Variants in PLA2G4F observed in about 807,000 individuals in gnomAD.
The protein encoded by PLA2G4F is phospholipase A2 group IVF.
In PLA2G4F, 105 loss-of-function variants were observed where a neutral mutation model predicts 103.1. The ratio of observed to expected loss-of-function variants is 1.02; its 90% CI spans 0.87 to 1.20. The LOEUF (loss-of-function observed/expected upper bound fraction) is 1.20, where lower values mean the gene tolerates loss of function less well. Among genes scored for constraint, PLA2G4F ranks in the 50% most tolerant of loss-of-function variants. The probability of loss-of-function intolerance (pLI) is 0.00; values close to 1 mark genes in which losing one functional copy is unlikely to be tolerated. For synonymous variants in PLA2G4F, 468 were observed against 441.1 expected (o/e 1.06, Z -0.76); for missense variants, 1,155 against 1,075.9 (o/e 1.07, Z -1.03).
intron 7 of PLA2G4F, among the ~76,000 whole-genome samples, chr15:42,152,420 G>A (rs976992519): frequency 6.6e-6 from 1 of 152,246 alleles, no homozygotes; most frequent in South Asian, 2.1e-4. Context: ...ACTGCCAGTT[G>A]TGTGAGCCAA....
At chr15:42,148,867 G>A (rs1051396034) in intron 11 of PLA2G4F, 48 of 985,370 alleles carry the variant, frequency 4.9e-5, no homozygotes, top group Middle Eastern at 5.2e-4. Context: ...CACAGAAGGC[G>A]CTGTCGCTTC....
At position 42,153,262 on chromosome 15, in the gene PLA2G4F, C is replaced by G. The variant is rs370070222; in HGVS notation, c.534+38G>C. The G allele has an allele frequency of 3.1e-6, 5 of 1,599,352 alleles. No individual in the cohort carries two copies. The African/African-American group carries it at 4.0e-5, about 13-fold the overall frequency. ...CTGTCACGGGTTCCTCACTGCCCCC[C>G]AGCCCAGAACAGCGCCAAGCTTGCC... On this transcript the variant is annotated intron_variant, in intron 6 of 19. Transcript: ENST00000397272.
At chr15:42,152,623 T>G in intron 7 of PLA2G4F, 65 bp downstream of exon 7, 1 of 1,509,862 alleles carries the variant, frequency 6.6e-7, no homozygotes, top group Non-Finnish European at 9.0e-7. Context: ...ACCCACCTCC[T>G]TGACATCAGT....
chr15:42,148,808 T>A, intron 11 of PLA2G4F: 1 of 985,432 alleles, frequency 1.0e-6, no homozygotes, highest in Non-Finnish European at 1.2e-6. Context: ...TTCTTTTCCC[T>A]GTTCTCTTTT....
rs16972772 is a variant in PLA2G4F, at chr15:42,151,786, G to C, written c.601+902C>G. 9.0e-3 allele frequency: 4,966 copies of C among 554,482 alleles called. 245 individuals carry two copies. The African/African-American group carries it at 0.097, about 11-fold the overall frequency. The allele number at this position is 554,482 out of a possible 1,614,324, so 34.3% of individuals were successfully genotyped here. On this transcript the variant is annotated intron_variant, in intron 7 of 19. Coordinates refer to ENST00000397272, the MANE Select transcript of PLA2G4F (RefSeq NM_213600.4). ...TGGTTGAGAGAAGCGGAGTGTCACC[G>C]ACCTGGGTTTGACCCTGGCTCTACT...
intron 18 of PLA2G4F, among the ~76,000 whole-genome samples, chr15:42,143,472 C>CA (rs1414204290): frequency 6.6e-6 from 1 of 152,154 alleles, no homozygotes; most frequent in Non-Finnish European, 1.5e-5. Context: ...AAGAGGAGAC[C>CA]AAAGGAAGGG....
Position 42,144,503 on chromosome 15 carries a change from C to A in PLA2G4F, c.1922G>T (p.Gly641Val). Residue 641 changes from glycine (G) to valine (V), a missense_variant, in exon 17 of 20, where the codon GGT (glycine) becomes GTT (valine). Around this residue, in one of 3 missense-constraint regions of PLA2G4F, gnomAD observed 782 missense variants for 692.9 expected, o/e 1.13. Transcript: ENST00000397272. ...TSAQSFNFTR[G>V]LCLHKDYVAG... ...CACATAGTCCTTGTGCAAGCAGAGA[C>A]CCCGGGTGAAGTTAAAGCTCTGGGC... 1 of 1,612,414 alleles carries A rather than the reference C, an allele frequency of 6.2e-7. No homozygotes were observed. Among genetic ancestry groups the A allele is most frequent in the Non-Finnish European group, 8.5e-7 (1 of 1,180,024 alleles).
chr15:42,141,966 C>T lies in PLA2G4F; in HGVS notation c.*18G>A. ...AGTGTGTCTCCTCTCTGTCACAGTC[C>T]TCCGCTTCCTGCCTTGGTCAGGCCC... On this transcript the variant is annotated 3_prime_UTR_variant, in exon 20 of 20. Transcript: ENST00000397272. 2 of 1,605,532 alleles carry T rather than the reference C, an allele frequency of 1.2e-6. No individual in the cohort carries two copies. Among genetic ancestry groups the T allele is most frequent in the East Asian group, 2.2e-5 (1 of 44,844 alleles).
In PLA2G4F at chr15:42,150,669, A is replaced by T; in HGVS notation, c.710T>A (p.Val237Glu). The change falls in exon 8 of 20, where the codon GTG (valine) becomes GAG (glutamate). Residue 237 changes from valine (V) to glutamate (E), a missense_variant. Physicochemically the swap from Val to Glu is moderately radical, Grantham distance 121. This residue lies in a region of PLA2G4F where 370 missense variants were observed against 364.9 expected (regional missense o/e 1.01). Coordinates refer to ENST00000397272, the MANE Select transcript of PLA2G4F (RefSeq NM_213600.4). ...PGLPPTFTFH[V>E]NPVLSSRLHV... ...TAGCCTGGAGCTCAGCACTGGGTTCACGTGGAAGGTAAAGGTGGGTGGGAG... is the reference window on the plus strand; with the variant it reads ...TAGCCTGGAGCTCAGCACTGGGTTCTCGTGGAAGGTAAAGGTGGGTGGGAG... 6.2e-7 allele frequency: 1 copy of T among 1,613,816 alleles called. No homozygotes were observed.
At chr15:42,152,849 GC>G in intron 6 of PLA2G4F, 95 bp from the exon 7 acceptor site, 1 of 1,200,384 alleles carries the variant, frequency 8.3e-7, no homozygotes, top group Non-Finnish European at 1.2e-6. Context: ...CTGGGAAACA[GC>G]CATGGCCCCA....
chr15:42,150,544 C>T (rs573716262), intron 8 of PLA2G4F, 58 bp from the exon 9 acceptor site: 19 of 1,597,240 alleles, frequency 1.2e-5, no homozygotes, highest in Middle Eastern at 1.7e-4. Flanking sequence ...TCTCCCCCAA[C>T]GTGGCCCTGG....
At position 42,145,525 on chromosome 15, in the gene PLA2G4F, C is replaced by T. The variant is rs1364683179; in HGVS notation, c.1780+50G>A. The T allele has an allele frequency of 4.5e-6, 7 of 1,541,338 alleles. No individual in the cohort carries two copies. In the East Asian group the frequency reaches 1.6e-4, roughly 35 times the overall value. ...CTCATTCTTCTTGTCTCTGCCAGGG[C>T]CCTGTTGCTGGAATGTGGTGTGGGA... On this transcript the variant is annotated intron_variant, in intron 16 of 19. Coordinates refer to ENST00000397272, the MANE Select transcript of PLA2G4F (RefSeq NM_213600.4).
rs781672692 is a variant in PLA2G4F at position 42,144,494 on chromosome 15, A to G, written c.1931T>C (p.Leu644Ser). 3.1e-6 allele frequency: 5 copies of G among 1,612,318 alleles called. No individual in the cohort carries two copies. Among genetic ancestry groups the G allele is most frequent in the Non-Finnish European group, 4.2e-6 (5 of 1,179,998 alleles). Reference protein sequence around the residue: ...QSFNFTRGLCLHKDYVAGREF... With the variant: ...QSFNFTRGLCSHKDYVAGREF... Reference sequence around the variant, plus strand: ...CCTGCCAGCCACATAGTCCTTGTGCAAGCAGAGACCCCGGGTGAAGTTAAA... The same window carrying G: ...CCTGCCAGCCACATAGTCCTTGTGCGAGCAGAGACCCCGGGTGAAGTTAAA... The change falls in exon 17 of 20, where the codon TTG becomes TCG. Residue 644 changes from leucine to serine, a missense_variant. Physicochemically the swap from Leu to Ser is moderately radical, Grantham distance 145 (BLOSUM62 -2). This residue lies in a region of PLA2G4F where 782 missense variants were observed against 692.9 expected (regional missense o/e 1.13). Coordinates refer to ENST00000397272, the MANE Select transcript of PLA2G4F (RefSeq NM_213600.4).
chr15:42,150,343 G>T (rs1352419422), intron 9 of PLA2G4F, 30 bp downstream of exon 9: 2 of 1,578,504 alleles, frequency 1.3e-6, no homozygotes, highest in Non-Finnish European at 1.7e-6. Context: ...AGCAGGCAGG[G>T]GTCCCTCTGG....
chr15:42,143,665 A>T (rs1049645955), intron 18 of PLA2G4F, among the ~76,000 whole-genome samples: 1 of 152,182 alleles, frequency 6.6e-6, no homozygotes, highest in Non-Finnish European at 1.5e-5. Context: ...ATCTGTCATG[A>T]ATGGGCAGAG....
At position 42,144,457 on chromosome 15, in the gene PLA2G4F, G is replaced by T. The variant is rs779551732; in HGVS notation, c.1968C>A (p.Ala656=). 1.9e-6 allele frequency: 3 copies of T among 1,612,112 alleles called. No individual in the cohort carries two copies. The South Asian group carries it at 3.3e-5, about 18-fold the overall frequency. Reference sequence around the variant, plus strand: ...ACCCAAGGCAGCACCCACCTTTCCAGGCCACGAACTCCCTGCCAGCCACAT... The same window carrying T: ...ACCCAAGGCAGCACCCACCTTTCCATGCCACGAACTCCCTGCCAGCCACAT... ...KDYVAGREFV[A]WKDTHPDAFP... Residue 656 remains alanine, a synonymous_variant, in exon 17 of 20, where the codon GCC becomes GCA. Coordinates refer to ENST00000397272, the MANE Select transcript of PLA2G4F (RefSeq NM_213600.4).
chr15:42,156,588 C>A lies in PLA2G4F; in HGVS notation c.-39G>T. On this transcript the variant is annotated 5_prime_UTR_variant, in exon 1 of 20. Transcript: ENST00000397272. ...GGGCCCCAGCAGGGAACCCTGCCTG[C>A]GCTCCTCTGGTTGCACAAACTGCTG... 1 of 1,423,802 alleles carries A rather than the reference C, an allele frequency of 7.0e-7. No homozygotes were observed. The highest frequency in any genetic ancestry group is 9.5e-7 in the Non-Finnish European group (1 of 1,048,154). The allele number at this position is 1,423,802 out of a possible 1,614,324, so 88.2% of individuals were successfully genotyped here. A position where few individuals can be genotyped will look rare whatever the true frequency, so the allele number is the denominator to read the frequency against.
Position 42,147,324 on chromosome 15 carries a change from C to A in PLA2G4F, c.1219G>T (p.Asp407Tyr). 1 of 1,608,352 alleles carries A rather than the reference C, an allele frequency of 6.2e-7. No individual in the cohort carries two copies. Among genetic ancestry groups the A allele is most frequent in the Non-Finnish European group, 8.5e-7 (1 of 1,179,906 alleles). The change falls in exon 13 of 20, where the codon GAC becomes TAC. Residue 407 changes from aspartate (D) to tyrosine (Y), a missense_variant. Physicochemically the swap from Asp to Tyr is radical, Grantham distance 160 (BLOSUM62 -3). This residue lies in a region of PLA2G4F where 782 missense variants were observed against 692.9 expected (regional missense o/e 1.13). Transcript: ENST00000397272. ...AAGGCCACCTGGGACCAGGCTGGGTCCCTGTAGAGTGTGGAGATGCACCTG... is the reference window on the plus strand; with the variant it reads ...AAGGCCACCTGGGACCAGGCTGGGTACCTGTAGAGTGTGGAGATGCACCTG... ...STWCISTLYR[D>Y]PAWSQVALQG...
At chr15:42,155,425 C>T in intron 2 of PLA2G4F, 92 bp downstream of exon 2, 2 of 1,252,398 alleles carry the variant, frequency 1.6e-6, no homozygotes, top group Non-Finnish European at 2.3e-6. Flanking sequence ...TATACTCTTA[C>T]ACACACACAC....
Sources: gnomAD v4.1 joint callset for allele counts (sites outside exome capture counted in the v4.1 genomes callset) on GRCh38, gnomAD v4.1.1 for gene constraint, gnomAD v4.1.1 regional missense constraint, MANE v1.5 for transcripts, NCBI Gene and HGNC (gene_info 2026-07-23, HGNC 2026-07-21) for gene names.